SACS: variants seen among roughly 807,000 people sequenced by gnomAD.
SACS encodes sacsin molecular chaperone.
In SACS, 197 loss-of-function variants were observed where a neutral mutation model predicts 348.0. The observed-to-expected ratio is 0.57, with a 90% confidence interval of 0.50 to 0.64. The LOEUF (loss-of-function observed/expected upper bound fraction) is 0.64. Ranked by LOEUF, SACS falls within the 30% of genes least tolerant of loss-of-function variation. The pLI is 0.00. For missense variants in SACS, 4,999 were observed against 5,360.8 expected (o/e 0.93, Z 2.11); for synonymous variants, 1,985 against 1,910.6 (o/e 1.04, Z -1.02).
In SACS at chr13:23,358,354, A is replaced by C; in HGVS notation, c.585T>G (p.Asn195Lys). The C allele has an allele frequency of 6.2e-7, 1 of 1,614,194 alleles. No individual in the cohort carries two copies. Among genetic ancestry groups the C allele is most frequent in the Non-Finnish European group, 8.5e-7 (1 of 1,180,006 alleles). ...CTCTACCTGTTATATGATAGACAGA[A>C]TTAAACCCAATTCCAAATCTTCCGA... The part of the protein sequence containing the change: ...LKVGRFGIGF[N>K]SVYHITDVPC... The change falls in exon 7 of 10, where the codon AAT becomes AAG. Residue 195 changes from asparagine to lysine, a missense_variant. By Grantham distance (94) the Asn-to-Lys change is moderately conservative. Around this residue, in one of 6 missense-constraint regions of SACS, gnomAD observed 3,156 missense variants for 3,380.1 expected, o/e 0.93. Transcript: ENST00000382292.
At chr13:23,353,258 C>T (rs965998547) in intron 9 of SACS, among the ~76,000 whole-genome samples, 4 of 152,120 alleles carry the variant, frequency 2.6e-5, no homozygotes, top group Non-Finnish European at 4.4e-5. Flanking sequence ...TGGATTTGTC[C>T]ACACTTCCCA....
intron 6 of SACS, among the ~76,000 whole-genome samples, chr13:23,361,069 A>T (rs569071370): frequency 1.3e-5 from 2 of 152,214 alleles, no homozygotes; most frequent in South Asian, 4.1e-4. Context: ...TTTGACTGTC[A>T]GAACTGCTGT....
chr13:23,339,545 A>T lies in SACS; in HGVS notation c.4331T>A (p.Ile1444Lys). ...CTCAAATCCCATGTTTTCAGGATTTATCAGTCTTGTACTAAGGCATGGAAC... is the reference window on the plus strand; with the variant it reads ...CTCAAATCCCATGTTTTCAGGATTTTTCAGTCTTGTACTAAGGCATGGAAC... ...LKVPCLSTRLINPENMGFEQS... is the reference protein window; with the variant it reads ...LKVPCLSTRLKNPENMGFEQS... The change falls in exon 10 of 10, where the codon ATA becomes AAA. Residue 1444 changes from isoleucine to lysine, a missense_variant. This residue lies in a region of SACS where 3,156 missense variants were observed against 3,380.1 expected (regional missense o/e 0.93). Transcript: ENST00000382292. 1 of 1,613,360 alleles carries T rather than the reference A, an allele frequency of 6.2e-7. No homozygotes were observed. Among genetic ancestry groups the T allele is most frequent in the Non-Finnish European group, 8.5e-7 (1 of 1,179,348 alleles).
At position 23,338,992 on chromosome 13, in the gene SACS, C is replaced by T. The variant is rs1293434389; in HGVS notation, c.4884G>A (p.Gln1628=). The part of the protein sequence containing the change: ...FKPFIDVFGC[Q]LPLTVEAPYS... Reference sequence around the variant, plus strand: ...AAGGTGCTTCTACAGTCAAAGGTAACTGACAGCCAAATACATCTATAAATG... The same window carrying T: ...AAGGTGCTTCTACAGTCAAAGGTAATTGACAGCCAAATACATCTATAAATG... Residue 1628 remains glutamine (Q), a synonymous_variant, in exon 10 of 10, where the codon CAG becomes CAA. Coordinates refer to ENST00000382292, the MANE Select transcript of SACS (RefSeq NM_014363.6). 2 of 1,613,790 alleles carry T rather than the reference C, an allele frequency of 1.2e-6. No individual in the cohort carries two copies. Among genetic ancestry groups the T allele is most frequent in the Non-Finnish European group, 8.5e-7 (1 of 1,179,948 alleles).
At position 23,333,877 on chromosome 13, in the gene SACS, AG is replaced by A; in HGVS notation, c.9998del (p.Ala3333ValfsTer2). 6.2e-7 allele frequency: 1 copy of A among 1,613,890 alleles called. No individual in the cohort carries two copies. On this transcript the variant is annotated frameshift_variant, in exon 10 of 10. Transcript: ENST00000382292. LOFTEE classifies it high-confidence loss of function. The stretch of plus-strand genomic sequence containing the variant: ...TGTCTTTGGAACAGATTTTGTTCAA[AG>A]CAAGCTGAATACAGCCAGCTTTCAT... The part of the protein sequence containing the change: ...ALMKAGCIQL[A>X]LNKICSKDSA...
chr13:23,426,635 G>C (rs1173503020), intron 1 of SACS, among the ~76,000 whole-genome samples: 5 of 59,446 alleles, frequency 8.4e-5, no homozygotes, highest in Non-Finnish European at 1.8e-4. Context: ...GTGAGACTCC[G>C]TCTCAAAAAA....
At chr13:23,407,479 G>A (rs1321717959) in intron 2 of SACS, among the ~76,000 whole-genome samples, 1 of 152,048 alleles carries the variant, frequency 6.6e-6, no homozygotes, top group Non-Finnish European at 1.5e-5. Flanking sequence ...GATTACAGGC[G>A]TGAGCCACCA....
intron 1 of SACS, among the ~76,000 whole-genome samples, chr13:23,433,280 G>A (rs111597444): frequency 0.045 from 6,893 of 152,200 alleles, 279 homozygotes; most frequent in East Asian, 0.16. Context: ...AAAGCGGCTA[G>A]TCCAGCATCT....
intron 2 of SACS, among the ~76,000 whole-genome samples, chr13:23,394,259 T>C (rs1872632705): frequency 1.3e-5 from 2 of 152,200 alleles, no homozygotes; most frequent in African/African-American, 2.4e-5. Context: ...ACCTATTCAG[T>C]TGTAGCAAGA....
At chr13:23,356,678 G>T (rs1870413242) in intron 7 of SACS, among the ~76,000 whole-genome samples, 1 of 152,222 alleles carries the variant, frequency 6.6e-6, no homozygotes, top group Non-Finnish European at 1.5e-5. Context: ...AGAAAAACCA[G>T]ATGTGTGAGA....
chr13:23,360,582 T>A (rs1405753316), intron 6 of SACS, among the ~76,000 whole-genome samples: 2 of 152,112 alleles, frequency 1.3e-5, no homozygotes, highest in African/African-American at 4.8e-5. Context: ...ACACCCACCT[T>A]CCTTCCCACT....
rs749899070 is a variant in SACS at position 23,340,305 on chromosome 13, G to A, written c.3571C>T (p.His1191Tyr). ...CAPPDMCDVG[H>Y]AILIGSSLPL... ...AGTGAGGAGCCAATGAGAATTGCATGGCCTACATCACACATATCTGGTGGT... is the reference window on the plus strand; with the variant it reads ...AGTGAGGAGCCAATGAGAATTGCATAGCCTACATCACACATATCTGGTGGT... Residue 1191 changes from histidine (H) to tyrosine (Y), a missense_variant, in exon 10 of 10, where the codon CAT (histidine) becomes TAT (tyrosine). By Grantham distance (83) the His-to-Tyr change is moderately conservative (BLOSUM62 2). Around this residue, in one of 6 missense-constraint regions of SACS, gnomAD observed 3,156 missense variants for 3,380.1 expected, o/e 0.93. Coordinates refer to ENST00000382292, the MANE Select transcript of SACS (RefSeq NM_014363.6). 1 of 1,613,928 alleles carries A rather than the reference G, an allele frequency of 6.2e-7. No homozygotes were observed. The highest frequency in any genetic ancestry group is 8.5e-7 in the Non-Finnish European group (1 of 1,179,922).
intron 1 of SACS, among the ~76,000 whole-genome samples, chr13:23,431,392 A>G (rs1046541203): frequency 6.6e-6 from 1 of 152,242 alleles, no homozygotes; most frequent in Non-Finnish European, 1.5e-5. Flanking sequence ...GGCCTCTCCT[A>G]GACGTTAAAA....
chr13:23,407,401 G>T (rs1019613251), intron 2 of SACS, among the ~76,000 whole-genome samples: 1 of 150,578 alleles, frequency 6.6e-6, no homozygotes, highest in Non-Finnish European at 1.5e-5. Context: ...GGGTTTCACC[G>T]TGTTAGCCAG....
At chr13:23,407,391 G>C (rs954062314) in intron 2 of SACS, among the ~76,000 whole-genome samples, 4 of 150,412 alleles carry the variant, frequency 2.7e-5, no homozygotes, top group African/African-American at 9.8e-5. Flanking sequence ...AGTAGAGACG[G>C]GGTTTCACCG....
chr13:23,419,833 T>C (rs2137989994), intron 1 of SACS, among the ~76,000 whole-genome samples: 1 of 152,294 alleles, frequency 6.6e-6, no homozygotes, highest in East Asian at 1.9e-4. Context: ...GGGGAGGTGA[T>C]TTTATTGCAT....
At chr13:23,403,684 C>CA (rs1873080894) in intron 2 of SACS, among the ~76,000 whole-genome samples, 1 of 151,858 alleles carries the variant, frequency 6.6e-6, no homozygotes, top group Non-Finnish European at 1.5e-5. Flanking sequence ...TTAATCTTTT[C>CA]AAAAAAACAG....
chr13:23,365,282 C>A lies in SACS; in HGVS notation c.346-5G>T, dbSNP rs80258644. ...TTCTGCATTCTGAATTAATTCCTAA[C>A]CAAAAAATATACCAAAAAATAGTAA... On this transcript the variant is annotated splice_region_variant and splice_polypyrimidine_tract_variant and intron_variant, in intron 5 of 9. Transcript: ENST00000382292. The A allele has an allele frequency of 2.0e-6, 3 of 1,534,132 alleles. No individual in the cohort carries two copies. The highest frequency in any genetic ancestry group is 2.7e-5 in the African/African-American group (2 of 72,912).
chr13:23,391,866 T>C (rs997087714), intron 2 of SACS, among the ~76,000 whole-genome samples: 11 of 151,422 alleles, frequency 7.3e-5, no homozygotes, highest in African/African-American at 2.7e-4. Flanking sequence ...CCCATCAGTG[T>C]GGGTTCCCTC....
Sources: allele counts gnomAD v4.1 joint callset (sites outside exome capture counted in the v4.1 genomes callset), GRCh38; gene constraint gnomAD v4.1.1; regional missense constraint gnomAD v4.1.1; transcripts MANE v1.5; gene names NCBI Gene and HGNC (gene_info 2026-07-23, HGNC 2026-07-21).